Variants in SSBP2 observed in about 807,000 individuals in gnomAD.
SSBP2 encodes single-stranded DNA-binding protein 2.
A neutral mutation model predicts 61.8 loss-of-function variants in SSBP2; 17 were observed. The ratio of observed to expected loss-of-function variants is 0.28; its 90% CI spans 0.19 to 0.41. SSBP2 has a LOEUF of 0.41. Ranked by LOEUF, SSBP2 falls within the 10% of genes least tolerant of loss-of-function variation. The pLI is 1.00. For missense variants in SSBP2, 310 were observed against 458.7 expected (o/e 0.68, Z 2.96); for synonymous variants, 139 against 141.3 (o/e 0.98, Z 0.12).
At chr5:81,553,310 G>C (rs1772349718) in intron 4 of SSBP2, among the ~76,000 whole-genome samples, 2 of 151,986 alleles carry the variant, frequency 1.3e-5, no homozygotes, top group Non-Finnish European at 2.9e-5. Context: ...AAATTACAAA[G>C]GCTGAGAGAT....
At chr5:81,443,299 A>G (rs1763154057) in intron 12 of SSBP2, 1 of 152,084 alleles carries the variant, frequency 6.6e-6, no homozygotes, top group Admixed American at 6.5e-5. Context: ...GTTTTTACTC[A>G]CTTTATTTTT....
At chr5:81,586,874 C>A (rs1775096172) in intron 4 of SSBP2, among the ~76,000 whole-genome samples, 1 of 151,864 alleles carries the variant, frequency 6.6e-6, no homozygotes, top group African/African-American at 2.4e-5. Context: ...ATAGAGGGTG[C>A]CTACATGATC....
intron 1 of SSBP2, among the ~76,000 whole-genome samples, chr5:81,712,987 C>A (rs1360378794): frequency 1.3e-5 from 2 of 151,954 alleles, no homozygotes; most frequent in African/African-American, 4.8e-5. Flanking sequence ...CTCAGCCTCC[C>A]AAATTACTGG....
chr5:81,628,754 A>G (rs1163020218), intron 3 of SSBP2, among the ~76,000 whole-genome samples: 3 of 152,186 alleles, frequency 2.0e-5, no homozygotes, highest in Non-Finnish European at 4.4e-5. Flanking sequence ...CATTAGAAAC[A>G]AGGGAAAAAA....
intron 4 of SSBP2, among the ~76,000 whole-genome samples, chr5:81,557,445 C>G (rs1449879590): frequency 6.6e-6 from 1 of 152,092 alleles, no homozygotes; most frequent in Non-Finnish European, 1.5e-5. Context: ...CTCCTTATCT[C>G]TCTCCTCTCC....
At chr5:81,698,879 C>T (rs546930748) in intron 1 of SSBP2, among the ~76,000 whole-genome samples, 1 of 152,304 alleles carries the variant, frequency 6.6e-6, no homozygotes, top group South Asian at 2.1e-4. Context: ...TTGTACTTCA[C>T]TGCCCATCCT....
intron 4 of SSBP2, among the ~76,000 whole-genome samples, chr5:81,566,425 C>T (rs373986407): frequency 1.3e-5 from 2 of 152,136 alleles, no homozygotes; most frequent in South Asian, 2.1e-4. Context: ...TCTGCTTTTG[C>T]GTCTTCCTTA....
intron 4 of SSBP2, among the ~76,000 whole-genome samples, chr5:81,530,732 A>G (rs1770324785): frequency 6.6e-6 from 1 of 152,084 alleles, no homozygotes; most frequent in South Asian, 2.1e-4. Context: ...GAAGTTCTCA[A>G]GTGAAAGAGC....
Position 81,484,820 on chromosome 5 carries a change from G to A in SSBP2, c.432+4430C>T, listed in dbSNP as rs550168223. The stretch of plus-strand genomic sequence containing the variant: ...AATATCTGAAGATTTCAGTAGAATG[G>A]TCAGATGTAGTGTGTTTGTAGAATA... On this transcript the variant is annotated intron_variant, in intron 6 of 16. Coordinates refer to ENST00000320672, the MANE Select transcript of SSBP2 (RefSeq NM_012446.5). Among the ~76,000 whole-genome samples, 11 of 152,118 alleles carry A rather than the reference G, an allele frequency of 7.2e-5. No homozygotes were observed. The South Asian group carries it at 1.5e-3, about 20-fold the overall frequency.
At chr5:81,577,191 A>G (rs551562516) in intron 4 of SSBP2, among the ~76,000 whole-genome samples, 1 of 152,220 alleles carries the variant, frequency 6.6e-6, no homozygotes, top group East Asian at 1.9e-4. Context: ...AATAACATAT[A>G]TGATGAGAGT....
At chr5:81,494,969 A>T (rs1272354002) in intron 5 of SSBP2, among the ~76,000 whole-genome samples, 1 of 152,178 alleles carries the variant, frequency 6.6e-6, no homozygotes, top group Non-Finnish European at 1.5e-5. Flanking sequence ...TTTCTATTAT[A>T]TCAAGAATTA....
chr5:81,519,171 G>A (rs1296390594), intron 4 of SSBP2, among the ~76,000 whole-genome samples: 3 of 151,928 alleles, frequency 2.0e-5, no homozygotes, highest in African/African-American at 7.3e-5. Context: ...TCTATAATAT[G>A]GTATTTATCT....
chr5:81,704,795 CAAAAAAAAAAAAAA>C (rs34376110), intron 1 of SSBP2, among the ~76,000 whole-genome samples: 2 of 51,992 alleles, frequency 3.8e-5, no homozygotes, highest in Non-Finnish European at 3.3e-5. Flanking sequence ...GATTCCATCT[CAAAAAAAAAAAAAA>C]AAAAAAAAAA....
chr5:81,734,022 C>T (rs918261383), intron 1 of SSBP2, among the ~76,000 whole-genome samples: 11 of 152,124 alleles, frequency 7.2e-5, no homozygotes, highest in Admixed American at 2.0e-4. Context: ...AGTTGTACCA[C>T]AAATAACTAC....
chr5:81,565,717 A>C (rs954680435), intron 4 of SSBP2, among the ~76,000 whole-genome samples: 3 of 152,186 alleles, frequency 2.0e-5, no homozygotes, highest in African/African-American at 7.2e-5. Flanking sequence ...CTCAGACCTA[A>C]AATAATGCTT....
At chr5:81,491,916 A>G (rs969859470) in intron 5 of SSBP2, among the ~76,000 whole-genome samples, 1 of 152,174 alleles carries the variant, frequency 6.6e-6, no homozygotes, top group African/African-American at 2.4e-5. Context: ...CCCTTATGTT[A>G]TCTAGATAAC....
intron 3 of SSBP2, among the ~76,000 whole-genome samples, chr5:81,625,225 T>C (rs1747029284): frequency 6.6e-6 from 1 of 152,164 alleles, no homozygotes; most frequent in East Asian, 1.9e-4. Flanking sequence ...CAATACTTGA[T>C]TTGTGCTTGG....
chr5:81,596,878 T>C (rs1301999297), intron 4 of SSBP2, among the ~76,000 whole-genome samples: 3 of 149,070 alleles, frequency 2.0e-5, no homozygotes. Flanking sequence ...CCTAAAACCA[T>C]AAAAACCCTA....
chr5:81,733,594 G>T (rs759082574), intron 1 of SSBP2, among the ~76,000 whole-genome samples: 5 of 152,136 alleles, frequency 3.3e-5, no homozygotes, highest in South Asian at 2.1e-4. Flanking sequence ...CCCAGGAATT[G>T]TTGTCTTTAA....
Sources: gnomAD v4.1 joint callset for allele counts (sites outside exome capture counted in the v4.1 genomes callset) on GRCh38, gnomAD v4.1.1 for gene constraint, MANE v1.5 for transcripts, NCBI Gene and HGNC (gene_info 2026-07-23, HGNC 2026-07-21) for gene names.